NALF1: variants seen among roughly 807,000 people sequenced by gnomAD.
NALF1 encodes the protein NALCN channel auxiliary factor 1, also known as family with sequence similarity 155 member A.
Under a neutral mutation model 48.4 loss-of-function variants are expected in NALF1, and 3 were observed. The observed-to-expected ratio is 0.06, with a 90% CI of 0.03 to 0.16. NALF1 has a LOEUF of 0.16. Ranked by LOEUF, NALF1 falls within the 10% of genes least tolerant of loss-of-function variation. The pLI is 1.00. For missense variants in NALF1, 526 were observed against 571.5 expected, an observed-to-expected ratio of 0.92 and a Z score of 0.81; for synonymous variants, 262 against 245.7, an observed-to-expected ratio of 1.07 and a Z score of -0.62.
chr13:107,441,827 G>C (rs1884564745), intron 1 of NALF1, among the ~76,000 whole-genome samples: 1 of 152,152 alleles, frequency 6.6e-6, no homozygotes, highest in African/African-American at 2.4e-5. Context: ...AATAGGCAAA[G>C]ACTCCTTTTG....
intron 1 of NALF1, among the ~76,000 whole-genome samples, chr13:107,566,378 T>A (rs1419256041): frequency 6.6e-6 from 1 of 152,110 alleles, no homozygotes; most frequent in Non-Finnish European, 1.5e-5. Context: ...CACAGAAGAA[T>A]CTCTCTGAAA....
intron 2 of NALF1, among the ~76,000 whole-genome samples, chr13:107,191,263 TAA>T (rs10717792): frequency 2.5e-4 from 36 of 146,496 alleles, no homozygotes; most frequent in South Asian, 4.3e-4. Flanking sequence ...CACTAAATAG[TAA>T]AAAAAAAAAA....
In NALF1 at chr13:107,411,423, C is replaced by T. The variant is rs114069044; in HGVS notation, c.916-200668G>A. ...ACCTCCTATGCTCAAGTGATACTCC[C>T]ACCTCGACCCCACAAAGTATTGGGA... On this transcript the variant is annotated intron_variant, in intron 1 of 2. Coordinates refer to ENST00000375915, the MANE Select transcript of NALF1 (RefSeq NM_001080396.3). Among the ~76,000 whole-genome samples, 853 of 151,910 alleles carry T rather than the reference C, an allele frequency of 5.6e-3. 10 individuals carry two copies. Among genetic ancestry groups the T allele is most frequent in the African/African-American group, 0.02 (814 of 41,422 alleles).
At chr13:107,360,700 CATT>C (rs1435843992) in intron 1 of NALF1, among the ~76,000 whole-genome samples, 1 of 152,088 alleles carries the variant, frequency 6.6e-6, no homozygotes, top group Admixed American at 6.6e-5. Flanking sequence ...ACCTGAGTAT[CATT>C]GTCACAAATG....
At chr13:107,773,064 C>T (rs115244674) in intron 1 of NALF1, among the ~76,000 whole-genome samples, 3,655 of 152,060 alleles carry the variant, frequency 0.024, 125 homozygotes, top group African/African-American at 0.084. Context: ...AGCAAGGTAA[C>T]ATGAATAATT....
chr13:107,737,717 C>T (rs1031325020), intron 1 of NALF1, among the ~76,000 whole-genome samples: 2 of 152,122 alleles, frequency 1.3e-5, no homozygotes, highest in African/African-American at 4.8e-5. Context: ...ATTATTTGTA[C>T]ATTTACTTCT....
chr13:107,477,927 A>T (rs1341036578), intron 1 of NALF1, among the ~76,000 whole-genome samples: 1 of 152,136 alleles, frequency 6.6e-6, no homozygotes, highest in Non-Finnish European at 1.5e-5. Context: ...GGAGGGTAGA[A>T]GCCTAACTTC....
At chr13:107,544,413 C>T (rs1877079846) in intron 1 of NALF1, among the ~76,000 whole-genome samples, 1 of 152,138 alleles carries the variant, frequency 6.6e-6, no homozygotes, top group Non-Finnish European at 1.5e-5. Flanking sequence ...GATGTGTTAA[C>T]TATTAAAAAT....
chr13:107,545,771 AT>A (rs1431420598), intron 1 of NALF1, among the ~76,000 whole-genome samples: 1 of 152,070 alleles, frequency 6.6e-6, no homozygotes, highest in Non-Finnish European at 1.5e-5. Context: ...GCAGTGCGAG[AT>A]GGTATAGACT....
At chr13:107,295,070 T>C (rs1245668457) in intron 1 of NALF1, among the ~76,000 whole-genome samples, 1 of 152,156 alleles carries the variant, frequency 6.6e-6, no homozygotes, top group Non-Finnish European at 1.5e-5. Flanking sequence ...ATGCTGAAGT[T>C]TGGGGTATGA....
At position 107,170,312 on chromosome 13, in the gene NALF1, T is replaced by A; in HGVS notation, c.*185A>T. On this transcript the variant is annotated 3_prime_UTR_variant, in exon 3 of 3. Transcript: ENST00000375915. ...AGAAATTTAAAGTCACTTTCCAGCC[T>A]TTTAGTCAATAAAAAGCTGTGGTTG... The A allele has an allele frequency of 1.8e-6, 1 of 551,376 alleles. No individual in the cohort carries two copies. The highest frequency in any genetic ancestry group is 3.2e-6 in the Non-Finnish European group (1 of 314,096). 34.2% of individuals were successfully genotyped at this position (551,376 alleles called of 1,614,324 possible).
At chr13:107,448,650 A>G (rs1245434834) in intron 1 of NALF1, among the ~76,000 whole-genome samples, 1 of 152,178 alleles carries the variant, frequency 6.6e-6, no homozygotes, top group Non-Finnish European at 1.5e-5. Context: ...ACATACAATG[A>G]GCAACTACTA....
intron 1 of NALF1, among the ~76,000 whole-genome samples, chr13:107,285,350 C>T (rs777927398): frequency 6.6e-6 from 1 of 152,208 alleles, no homozygotes; most frequent in African/African-American, 2.4e-5. Flanking sequence ...AAATATTCAA[C>T]AACCATTGGA....
In NALF1 at chr13:107,170,528, G is replaced by A. The variant is rs767026891; in HGVS notation, c.1346C>T (p.Thr449Met). Residue 449 changes from threonine to methionine, a missense_variant, in exon 3 of 3, where the codon ACG becomes ATG. Physicochemically the swap from Thr to Met is moderately conservative, Grantham distance 81. Coordinates refer to ENST00000375915, the MANE Select transcript of NALF1 (RefSeq NM_001080396.3). ...CTCATTGGTTGAGTTTTCTTCCAGCGTGTTGATGCCTCCAAAGCTCAGTCC... is the reference window on the plus strand; with the variant it reads ...CTCATTGGTTGAGTTTTCTTCCAGCATGTTGATGCCTCCAAAGCTCAGTCC... ...TAGLSFGGIN[T>M]LEENSTNEE The A allele has an allele frequency of 7.5e-6, 12 of 1,607,628 alleles. No homozygotes were observed. The highest frequency in any genetic ancestry group is 1.1e-5 in the South Asian group (1 of 91,034).
chr13:107,331,552 G>A (rs1882468971), intron 1 of NALF1, among the ~76,000 whole-genome samples: 1 of 152,054 alleles, frequency 6.6e-6, no homozygotes, highest in African/African-American at 2.4e-5. Context: ...GGCCAAAACC[G>A]CAATTACTTT....
In NALF1 at chr13:107,341,984, A is replaced by C. The variant is rs530867658; in HGVS notation, c.916-131229T>G. ...AGTAGGTGTTTGATAGCTAGGAAATATCAAGGGTTCAATATGTAGCTAAGG... is the reference window on the plus strand; with the variant it reads ...AGTAGGTGTTTGATAGCTAGGAAATCTCAAGGGTTCAATATGTAGCTAAGG... On this transcript the variant is annotated intron_variant, in intron 1 of 2. Transcript: ENST00000375915. Among the ~76,000 whole-genome samples the C allele has an allele frequency of 5.3e-5, 8 of 152,262 alleles. 2 individuals are homozygous for C. The South Asian group carries it at 1.7e-3, about 32-fold the overall frequency.
At chr13:107,684,611 C>T (rs936703495) in intron 1 of NALF1, among the ~76,000 whole-genome samples, 8 of 152,216 alleles carry the variant, frequency 5.3e-5, no homozygotes, top group African/African-American at 1.9e-4. Flanking sequence ...TTGGAACACA[C>T]TTTTCTAAAA....
Position 107,486,638 on chromosome 13 carries a change from C to A in NALF1, c.916-275883G>T, listed in dbSNP as rs1391960789. Reference sequence around the variant, plus strand: ...GTGGGAAGAGCCAGCCAAAGACTGGCAGAAAATGGAGGCACACAAGGTGAC... The same window carrying A: ...GTGGGAAGAGCCAGCCAAAGACTGGAAGAAAATGGAGGCACACAAGGTGAC... On this transcript the variant is annotated intron_variant, in intron 1 of 2. Coordinates refer to ENST00000375915, the MANE Select transcript of NALF1 (RefSeq NM_001080396.3). Among the ~76,000 whole-genome samples the A allele has an allele frequency of 2.6e-5, 4 of 152,118 alleles. No individual in the cohort carries two copies. In the East Asian group the frequency reaches 7.7e-4, roughly 29 times the overall value.
intron 1 of NALF1, among the ~76,000 whole-genome samples, chr13:107,339,735 GC>G (rs1882633409): frequency 6.6e-6 from 1 of 152,048 alleles, no homozygotes; most frequent in South Asian, 2.1e-4. Context: ...GTAATGACAG[GC>G]CATTTCTCCA....
Sources: allele counts gnomAD v4.1 joint callset (sites outside exome capture counted in the v4.1 genomes callset), GRCh38; gene constraint gnomAD v4.1.1; transcripts MANE v1.5; gene names NCBI Gene and HGNC (gene_info 2026-07-23, HGNC 2026-07-21).